Variants in DIDO1 observed in about 807,000 individuals in gnomAD.
The protein encoded by DIDO1 is death-inducer obliterator 1.
Under a neutral mutation model 99.4 loss-of-function variants are expected in DIDO1, and 16 were observed. That is an observed-to-expected ratio of 0.16 (90% CI 0.11 to 0.24). The LOEUF is 0.24. Ranked by LOEUF, DIDO1 falls within the 10% of genes least tolerant of loss-of-function variation. The pLI, the probability that DIDO1 is intolerant of heterozygous loss-of-function variation, is 1.00. For synonymous variants in DIDO1, 1,366 were observed against 1,239.1 expected (o/e 1.10, Z -2.15); for missense variants, 2,996 against 3,014.0 (o/e 0.99, Z 0.14).
At position 62,879,688 on chromosome 20, in the gene DIDO1, GCTCT is replaced by G. The variant is rs1173742369; in HGVS notation, c.6264_6267del (p.Arg2088SerfsTer185). On this transcript the variant is annotated frameshift_variant, in exon 16 of 16. Coordinates refer to ENST00000395343, the MANE Select transcript of DIDO1 (RefSeq NM_001193369.2). LOFTEE classifies it low-confidence loss of function (END_TRUNC). This position sits in a 1 kb window ranked among gnomAD's most constrained non-coding sequence, Gnocchi z 6.3. ...TTCTCTTTGGGCCCCACGTCAAACCGCTCTCTCTGCCTCCCTTCGAAAGTCTGGT... is the reference window on the plus strand; with the variant it reads ...TTCTCTTTGGGCCCCACGTCAAACCGCTCTGCCTCCCTTCGAAAGTCTGGT... The G allele has an allele frequency of 6.2e-7, 1 of 1,610,394 alleles. No homozygotes were observed. The highest frequency in any genetic ancestry group is 8.5e-7 in the Non-Finnish European group (1 of 1,179,796).
chr20:62,932,021 A>G (rs1379511206), intron 1 of DIDO1, among the ~76,000 whole-genome samples: 1 of 152,238 alleles, frequency 6.6e-6, no homozygotes, highest in Non-Finnish European at 1.5e-5. Flanking sequence ...AGCAGTTTCC[A>G]AAAGACACCC....
In DIDO1 at chr20:62,936,454, C is replaced by T. The variant is rs56362039; in HGVS notation, c.-200+1342G>A. On this transcript the variant is annotated intron_variant, in intron 1 of 15. Coordinates refer to the DIDO1 transcript ENST00000266070. ...CCTGTAGTTCCAGCTACTCGGGAGG[C>T]TGAGGCAGGAGAATCACTTGAACCC... Among the ~76,000 whole-genome samples the T allele has an allele frequency of 2.9e-3, 435 of 152,148 alleles. 1 individual carries two copies. The highest frequency in any genetic ancestry group is 4.3e-3 in the Admixed American group (65 of 15,280).
At chr20:62,922,348 A>G (rs2065171776) in intron 1 of DIDO1, among the ~76,000 whole-genome samples, 1 of 151,686 alleles carries the variant, frequency 6.6e-6, no homozygotes, top group African/African-American at 2.4e-5. Flanking sequence ...GTGCAGGTTC[A>G]GCATTCCCAG....
At chr20:62,906,174 G>C (rs2064800212) in intron 5 of DIDO1, 74 bp from the exon 6 acceptor site, 4 of 1,535,702 alleles carry the variant, frequency 2.6e-6, no homozygotes, top group Non-Finnish European at 3.5e-6. Context: ...ACTGAGAGAT[G>C]AAGGCGGGGA....
chr20:62,879,763 A>T lies in DIDO1; in HGVS notation c.6193T>A (p.Trp2065Arg). ...CCCTCTCGGAAGTCGGCCGATGCCC[A>T]CTGTCCGTCGGCCTCGGGGCCCTGT... Reference protein sequence around the residue: ...PGQGPEADGQWASADFREGKG... With the variant: ...PGQGPEADGQRASADFREGKG... The change falls in exon 16 of 16, where the codon TGG becomes AGG. Residue 2065 changes from tryptophan (W) to arginine (R), a missense_variant. Trp to Arg is a moderately radical substitution (Grantham distance 101, BLOSUM62 -3). Around this residue, in one of 5 missense-constraint regions of DIDO1, gnomAD observed 1,562 missense variants for 1,412.6 expected, o/e 1.11. Coordinates refer to ENST00000395343, the MANE Select transcript of DIDO1 (RefSeq NM_001193369.2). The surrounding 1 kb of genome is among the most constrained non-coding windows in gnomAD (Gnocchi z 6.3). The T allele has an allele frequency of 6.2e-7, 1 of 1,611,144 alleles. No homozygotes were observed. Among genetic ancestry groups the T allele is most frequent in the East Asian group, 2.2e-5 (1 of 44,808 alleles).
chr20:62,883,082 C>A (rs2064240441), intron 15 of DIDO1, among the ~76,000 whole-genome samples: 2 of 151,880 alleles, frequency 1.3e-5, no homozygotes, highest in South Asian at 4.1e-4. Context: ...CACCACTATG[C>A]CTGGCTAATT....
upstream of DIDO1, among the ~76,000 whole-genome samples, chr20:62,926,919 G>A (rs1349167810): frequency 6.6e-6 from 1 of 152,172 alleles, no homozygotes; most frequent in African/African-American, 2.4e-5. Flanking sequence ...GGCGGGGACA[G>A]GGGATAAAAG....
chr20:62,911,511 G>T lies in DIDO1; in HGVS notation c.102C>A (p.Ile34=). The part of the protein sequence containing the change: ...RKTWGFRRTT[I]AKREGAGDAE... ...CGTCCCCTGCGCCCTCTCGCTTGGC[G>T]ATAGTGGTCCTTCGAAAACCCCATG... Residue 34 remains isoleucine (I), a synonymous_variant, in exon 3 of 16, where the codon ATC becomes ATA. Coordinates refer to ENST00000395343, the MANE Select transcript of DIDO1 (RefSeq NM_001193369.2). This position sits in a 1 kb window ranked among gnomAD's most constrained non-coding sequence, Gnocchi z 7.0. 6.2e-7 allele frequency: 1 copy of T among 1,612,416 alleles called. No homozygotes were observed. The highest frequency in any genetic ancestry group is 8.5e-7 in the Non-Finnish European group (1 of 1,179,236).
rs1294028600 is a variant in DIDO1 at position 62,896,353 on chromosome 20, T to C, written c.2094A>G (p.Glu698=). Residue 698 remains glutamate, a synonymous_variant, in exon 8 of 16, where the codon GAA becomes GAG. Transcript: ENST00000395343. The surrounding 1 kb of genome is among the most constrained non-coding windows in gnomAD (Gnocchi z 4.4). Reference sequence around the variant, plus strand: ...CAATATGGAGGGCAATTTTTCCTACTTCGTTTTCTGTCATGATTAAGTCAT... The same window carrying C: ...CAATATGGAGGGCAATTTTTCCTACCTCGTTTTCTGTCATGATTAAGTCAT... ...DSDDLIMTEN[E]VGKIALHIEK... 6.2e-7 allele frequency: 1 copy of C among 1,614,048 alleles called. No individual in the cohort carries two copies. The highest frequency in any genetic ancestry group is 8.5e-7 in the Non-Finnish European group (1 of 1,180,036).
chr20:62,890,667 T>C (rs6010778), intron 15 of DIDO1: 451,770 of 1,260,324 alleles, frequency 0.36, 85,377 homozygotes, highest in African/African-American at 0.69. Context: ...GCCTTGGGCT[T>C]CTGGGCACTG....
At position 62,911,370 on chromosome 20, in the gene DIDO1, C is replaced by T. The variant is rs778016408; in HGVS notation, c.243G>A (p.Ala81=). 18 of 1,611,386 alleles carry T rather than the reference C, an allele frequency of 1.1e-5. No homozygotes were observed. The highest frequency in any genetic ancestry group is 2.2e-5 in the East Asian group (1 of 44,890). The change falls in exon 3 of 16, where the codon GCG becomes GCA. Residue 81 remains alanine (A), a synonymous_variant. Coordinates refer to ENST00000395343, the MANE Select transcript of DIDO1 (RefSeq NM_001193369.2). The surrounding 1 kb of genome is among the most constrained non-coding windows in gnomAD (Gnocchi z 7.0). ...GCATGCTCCTCCTGCCGCGGCGCCG[C>T]GCAATGGTCAGGAACTGCTCCACGC... The part of the protein sequence containing the change: ...TERVEQFLTI[A]RRRGRRSMPV...
chr20:62,890,284 GCTT>G, intron 15 of DIDO1: 1 of 985,956 alleles, frequency 1.0e-6, no homozygotes, highest in Non-Finnish European at 1.2e-6. Flanking sequence ...AGTCACATCA[GCTT>G]CTTCTAAGGG....
rs762968429 is a variant in DIDO1, at chr20:62,881,038, C to G, written c.4918G>C (p.Glu1640Gln). The G allele has an allele frequency of 1.1e-5, 17 of 1,604,500 alleles. No homozygotes were observed. In the Admixed American group the frequency reaches 2.2e-4, roughly 21 times the overall value. The part of the protein sequence containing the change: ...EQDGWKAEPG[E>Q]GTRPATVGDS... ...CCAACCGTGGCGGGGCGGGTGCCCTCCCCAGGCTCTGCCTTCCAGCCGTCC... is the reference window on the plus strand; with the variant it reads ...CCAACCGTGGCGGGGCGGGTGCCCTGCCCAGGCTCTGCCTTCCAGCCGTCC... Residue 1640 changes from glutamate (E) to glutamine (Q), a missense_variant, in exon 16 of 16, where the codon GAG (glutamate) becomes CAG (glutamine). Transcript: ENST00000395343. The surrounding 1 kb of genome is among the most constrained non-coding windows in gnomAD (Gnocchi z 8.3).
intron 6 of DIDO1, among the ~76,000 whole-genome samples, chr20:62,898,358 CT>C (rs1487706399): frequency 3.3e-5 from 5 of 152,230 alleles, no homozygotes; most frequent in Non-Finnish European, 5.9e-5. Flanking sequence ...AGCCTCAGGG[CT>C]GCAAGTCTTC....
intron 6 of DIDO1, among the ~76,000 whole-genome samples, chr20:62,897,490 G>C (rs1434606937): frequency 1.3e-5 from 2 of 152,230 alleles, no homozygotes; most frequent in African/African-American, 2.4e-5. Context: ...CCAGACTGGA[G>C]TCCATTGGAG....
chr20:62,882,166 G>C lies in DIDO1; in HGVS notation c.3790C>G (p.Pro1264Ala). Residue 1264 changes from proline to alanine, a missense_variant, in exon 16 of 16, where the codon CCG (proline) becomes GCG (alanine). Transcript: ENST00000395343. ...ACCGGTGGTTCTGGAAGAGGGGGCG[G>C]AGGCGGCGGCGACCCAGGAGGTGTG... ...STTPPGSPPP[P>A]PPLPEPPVLK... 1 of 1,613,276 alleles carries C rather than the reference G, an allele frequency of 6.2e-7. No individual in the cohort carries two copies. Among genetic ancestry groups the C allele is most frequent in the Non-Finnish European group, 8.5e-7 (1 of 1,180,034 alleles).
intron 6 of DIDO1, 194 bp downstream of exon 6, chr20:62,905,693 C>T: frequency 6.2e-7 from 1 of 1,608,310 alleles, no homozygotes; most frequent in Non-Finnish European, 8.5e-7. Flanking sequence ...ACAGGAAGTC[C>T]TGACAGACTA....
intron 6 of DIDO1, among the ~76,000 whole-genome samples, chr20:62,904,780 C>CAAAAAAAAAAAAAAAAAAAAAA (rs58039393): frequency 4.8e-5 from 3 of 62,624 alleles, no homozygotes; most frequent in Admixed American, 1.7e-4. Flanking sequence ...ACTCTTGTCT[C>CAAAAAAAAAAAAAAAAAAAAAA]AAAAAAAAAA....
At chr20:62,905,618 A>G (rs1375928539) in intron 6 of DIDO1, 2 of 1,553,510 alleles carry the variant, frequency 1.3e-6, no homozygotes, top group East Asian at 2.4e-5. Flanking sequence ...GTGAAAACAG[A>G]GATTAAAGAA....
Sources: allele counts gnomAD v4.1 joint callset (sites outside exome capture counted in the v4.1 genomes callset), GRCh38; gene constraint gnomAD v4.1.1; regional missense constraint gnomAD v4.1.1; non-coding constraint Gnocchi (gnomAD v3.1); transcripts MANE v1.5; gene names NCBI Gene and HGNC (gene_info 2026-07-23, HGNC 2026-07-21).